The following TAFA2 variants were observed in gnomAD, a reference collection of about 807,000 sequenced individuals.
TAFA2 encodes chemokine-like protein TAFA-2.
TAFA2 carries 7 observed loss-of-function variants against 18.8 expected under a neutral mutation model. The ratio of observed to expected loss-of-function variants is 0.37; its 90% CI spans 0.21 to 0.70. The LOEUF is 0.70. Among genes scored for constraint, TAFA2 ranks in the 30% least tolerant of loss-of-function variants. TAFA2 has a pLI of 0.53. For synonymous variants in TAFA2, 60 were observed against 54.2 expected (o/e 1.11, Z -0.47); for missense variants, 122 against 158.1 (o/e 0.77, Z 1.23).
At chr12:61,881,335 C>T (rs1279838938) in intron 1 of TAFA2, among the ~76,000 whole-genome samples, 1 of 152,128 alleles carries the variant, frequency 6.6e-6, no homozygotes, top group African/African-American at 2.4e-5. Context: ...CCATATGGTA[C>T]AGCCTACTAC....
intron 1 of TAFA2, among the ~76,000 whole-genome samples, chr12:62,246,466 T>A (rs2062886994): frequency 6.6e-6 from 1 of 152,244 alleles, no homozygotes; most frequent in South Asian, 2.1e-4. Flanking sequence ...TTATTTGAAA[T>A]AACCTATATT....
rs528343874 is a variant in TAFA2 at position 61,820,061 on chromosome 12, CA to C, written c.106+47258del. On this transcript the variant is annotated intron_variant, in intron 2 of 4. Coordinates refer to ENST00000416284, the MANE Select transcript of TAFA2 (RefSeq NM_178539.5). ...AGAAACATTTTTTAATATGTTTCCA[CA>C]AGTCTTTATAGTCATTGTGAATTCT... Among the ~76,000 whole-genome samples, 206 of 152,164 alleles carry C rather than the reference CA, an allele frequency of 1.4e-3. 4 individuals are homozygous for C. The highest frequency in any genetic ancestry group is 4.8e-3 in the African/African-American group (199 of 41,548).
chr12:61,803,759 G>A (rs1463332482), intron 2 of TAFA2, among the ~76,000 whole-genome samples: 1 of 151,820 alleles, frequency 6.6e-6, no homozygotes, highest in Non-Finnish European at 1.5e-5. Context: ...ATGAATTATT[G>A]AGAACTTTGC....
At position 62,092,175 on chromosome 12, in the gene TAFA2, G is replaced by A. The variant is rs944112787; in HGVS notation, c.-2+99084C>T. 8.6e-5 allele frequency among the ~76,000 whole-genome samples: 13 copies of A among 151,944 alleles called. No individual in the cohort carries two copies. The South Asian group carries it at 1.2e-3, about 15-fold the overall frequency. On this transcript the variant is annotated intron_variant, in intron 1 of 4. Coordinates refer to ENST00000416284, the MANE Select transcript of TAFA2 (RefSeq NM_178539.5). ...TCCCCATGTACCTACTCAAGAGCAT[G>A]GGAACCAGCTCTTCTCCACTGGCTC...
chr12:61,806,419 C>T (rs774726553), intron 2 of TAFA2, among the ~76,000 whole-genome samples: 6 of 152,172 alleles, frequency 3.9e-5, no homozygotes, highest in South Asian at 2.1e-4. Context: ...TCCAACCACA[C>T]GGAACTGTAA....
intron 1 of TAFA2, among the ~76,000 whole-genome samples, chr12:61,881,719 C>T (rs1875149191): frequency 6.6e-6 from 1 of 151,652 alleles, no homozygotes; most frequent in South Asian, 2.1e-4. Flanking sequence ...CCTCCCTTTT[C>T]CCTTCAGGAG....
chr12:62,229,407 T>G (rs1293722377), intron 1 of TAFA2, among the ~76,000 whole-genome samples: 1 of 152,130 alleles, frequency 6.6e-6, no homozygotes, highest in Non-Finnish European at 1.5e-5. Flanking sequence ...ACCAGCTTGT[T>G]GAGGGTTTTT....
chr12:61,944,620 GA>G (rs1282236227), intron 1 of TAFA2, among the ~76,000 whole-genome samples: 2 of 121,330 alleles, frequency 1.6e-5, no homozygotes, highest in Admixed American at 1.7e-4. Context: ...TGATAAAGGG[GA>G]TATCACCACC....
chr12:62,069,768 A>C (rs17125833), intron 1 of TAFA2, among the ~76,000 whole-genome samples: 1,598 of 152,320 alleles, frequency 0.01, 54 homozygotes, highest in East Asian at 0.093. Context: ...AGAACAACAC[A>C]ATAGTGACCA....
intron 1 of TAFA2, among the ~76,000 whole-genome samples, chr12:61,894,092 A>T (rs1287015015): frequency 6.6e-6 from 1 of 152,200 alleles, no homozygotes; most frequent in Non-Finnish European, 1.5e-5. Context: ...CAGCATGTTT[A>T]CTACCATTTA....
chr12:62,044,639 C>T (rs149340062), intron 1 of TAFA2, among the ~76,000 whole-genome samples: 1 of 152,244 alleles, frequency 6.6e-6, no homozygotes, highest in East Asian at 1.9e-4. Flanking sequence ...TGCTTCCTAC[C>T]TGCTGTTAAA....
chr12:61,836,010 A>T (rs7961073), intron 2 of TAFA2, among the ~76,000 whole-genome samples: 132,947 of 151,820 alleles, frequency 0.88, 58,377 homozygotes, highest in African/African-American at 0.95. Flanking sequence ...TCAACTTACA[A>T]TTATACAATT....
chr12:62,026,598 G>A (rs1881317907), intron 1 of TAFA2, among the ~76,000 whole-genome samples: 1 of 152,148 alleles, frequency 6.6e-6, no homozygotes, highest in Admixed American at 6.6e-5. Context: ...CTGGCAGACA[G>A]TGCTCATTCT....
intron 4 of TAFA2, among the ~76,000 whole-genome samples, chr12:61,748,501 G>C (rs1592363101): frequency 1.3e-5 from 2 of 152,142 alleles, no homozygotes; most frequent in Admixed American, 1.3e-4. Context: ...GAATTTACAC[G>C]AATTGCACCA....
chr12:62,154,162 A>G (rs2062352355), intron 1 of TAFA2, among the ~76,000 whole-genome samples: 1 of 152,094 alleles, frequency 6.6e-6, no homozygotes, highest in South Asian at 2.1e-4. Context: ...GAAGTCCAGG[A>G]GTAAAGGGCT....
intron 1 of TAFA2, chr12:62,235,250 G>A: frequency 1.5e-6 from 1 of 654,296 alleles, no homozygotes; most frequent in Non-Finnish European, 2.8e-6. Flanking sequence ...GTGGCATACT[G>A]AACTGTGGCC....
chr12:62,118,912 C>T (rs1459297585), intron 1 of TAFA2, among the ~76,000 whole-genome samples: 1 of 152,132 alleles, frequency 6.6e-6, no homozygotes, highest in Non-Finnish European at 1.5e-5. Flanking sequence ...TAAGACATCT[C>T]TTTAATGAAC....
At chr12:61,815,240 T>A (rs1872031858) in intron 2 of TAFA2, among the ~76,000 whole-genome samples, 1 of 151,474 alleles carries the variant, frequency 6.6e-6, no homozygotes, top group Non-Finnish European at 1.5e-5. Flanking sequence ...AGGTAGATAA[T>A]GAAAACATTT....
At chr12:62,175,206 A>G (rs1377494178) in intron 1 of TAFA2, among the ~76,000 whole-genome samples, 2 of 152,142 alleles carry the variant, frequency 1.3e-5, no homozygotes, top group Non-Finnish European at 2.9e-5. Flanking sequence ...TCCTTCCAGA[A>G]CTTTGATTCT....
Sources: allele counts gnomAD v4.1 joint callset (sites outside exome capture counted in the v4.1 genomes callset), GRCh38; gene constraint gnomAD v4.1.1; transcripts MANE v1.5; gene names NCBI Gene and HGNC (gene_info 2026-07-23, HGNC 2026-07-21).